Variants in NDUFA9 observed in about 807,000 individuals in gnomAD.
The protein encoded by NDUFA9 is NADH dehydrogenase [ubiquinone] 1 alpha subcomplex subunit 9, mitochondrial.
A neutral mutation model predicts 45.9 loss-of-function variants in NDUFA9; 23 were observed. The observed-to-expected ratio is 0.50, with a 90% CI of 0.36 to 0.71. The LOEUF is 0.71. Ranked by LOEUF, NDUFA9 falls within the 30% of genes least tolerant of loss-of-function variation. The pLI, the probability that NDUFA9 is intolerant of heterozygous loss-of-function variation, is 0.00. For missense variants in NDUFA9, 466 were observed against 488.2 expected, an observed-to-expected ratio of 0.95 and a Z score of 0.43; for synonymous variants, 176 against 170.5, an observed-to-expected ratio of 1.03 and a Z score of -0.25.
chr12:4,678,704 T>C (rs938377326), intron 8 of NDUFA9, among the ~76,000 whole-genome samples: 1 of 152,112 alleles, frequency 6.6e-6, no homozygotes. Flanking sequence ...AGATGCTCCA[T>C]ATCATTAGTC....
intron 1 of NDUFA9, 60 bp from the exon 2 acceptor site, chr12:4,654,232 T>A: frequency 4.7e-6 from 7 of 1,484,302 alleles, no homozygotes; most frequent in Non-Finnish European, 6.4e-6. Context: ...GCTATTTGTG[T>A]TGACAGTTTT....
At chr12:4,662,952 C>T (rs1320103072) in intron 6 of NDUFA9, among the ~76,000 whole-genome samples, 1 of 152,036 alleles carries the variant, frequency 6.6e-6, no homozygotes, top group Non-Finnish European at 1.5e-5. Context: ...TCCTAAAATC[C>T]CCTGTGTTAT....
At chr12:4,671,711 T>A (rs950307019) in intron 8 of NDUFA9, among the ~76,000 whole-genome samples, 1 of 152,160 alleles carries the variant, frequency 6.6e-6, no homozygotes, top group Non-Finnish European at 1.5e-5. Context: ...GACATAAGAA[T>A]TGACGTATAG....
chr12:4,658,628 A>G (rs978948760), intron 4 of NDUFA9, among the ~76,000 whole-genome samples: 4 of 152,246 alleles, frequency 2.6e-5, no homozygotes, highest in Admixed American at 6.5e-5. Context: ...GGATTCCCTG[A>G]TAATGCAGAA....
intron 4 of NDUFA9, 52 bp downstream of exon 4, chr12:4,657,891 A>G (rs531991203): frequency 3.6e-6 from 5 of 1,392,692 alleles, no homozygotes; most frequent in African/African-American, 2.8e-5. Context: ...TTAGGGTTTA[A>G]TGGACCTTCG....
chr12:4,660,401 A>G (rs996322368), intron 5 of NDUFA9, among the ~76,000 whole-genome samples: 7 of 152,162 alleles, frequency 4.6e-5, no homozygotes, highest in African/African-American at 1.7e-4. Context: ...TGCATTTCAG[A>G]TGTGTGTCAA....
At chr12:4,679,870 T>A (rs547950922) in intron 8 of NDUFA9, among the ~76,000 whole-genome samples, 1 of 152,302 alleles carries the variant, frequency 6.6e-6, no homozygotes, top group African/African-American at 2.4e-5. Context: ...GAAAGAGATG[T>A]CACTTCATGA....
chr12:4,663,814 A>C (rs1945837540), intron 6 of NDUFA9, among the ~76,000 whole-genome samples: 1 of 152,210 alleles, frequency 6.6e-6, no homozygotes, highest in South Asian at 2.1e-4. Flanking sequence ...GGAACTATGT[A>C]AAGGTAGAGG....
intron 9 of NDUFA9, among the ~76,000 whole-genome samples, chr12:4,682,862 T>C (rs550048422): frequency 6.6e-4 from 100 of 152,152 alleles, no homozygotes; most frequent in African/African-American, 2.3e-3. Context: ...AGCCCAGGAG[T>C]TTGAGACCAG....
chr12:4,665,994 C>T (rs1034176960), intron 6 of NDUFA9, among the ~76,000 whole-genome samples: 4 of 152,046 alleles, frequency 2.6e-5, no homozygotes, highest in African/African-American at 9.7e-5. Context: ...TTTGTAGAGA[C>T]AGGTCTTGCT....
At chr12:4,680,192 G>A (rs1393647762) in intron 8 of NDUFA9, among the ~76,000 whole-genome samples, 1 of 152,094 alleles carries the variant, frequency 6.6e-6, no homozygotes, top group Admixed American at 6.6e-5. Context: ...TTTCCTAGGA[G>A]AACATGTGGG....
Position 4,693,653 on chromosome 12 carries a change from G to A in NDUFA9, c.*6545G>A, listed in dbSNP as rs894534345. The stretch of plus-strand genomic sequence containing the variant: ...TGAGATGGTAACTGAAGTTGTAGAA[G>A]TAGATGTTGAGGATGAAGTATCATA... On this transcript the variant is annotated 3_prime_UTR_variant, in exon 11 of 11. Coordinates refer to ENST00000266544, the MANE Select transcript of NDUFA9 (RefSeq NM_005002.5). 11 of 152,232 alleles carry A rather than the reference G, an allele frequency of 7.2e-5. No homozygotes were observed. The highest frequency in any genetic ancestry group is 2.4e-4 in the African/African-American group (10 of 41,458). 9.4% of individuals were successfully genotyped at this position (152,232 alleles called of 1,614,324 possible).
At chr12:4,667,843 GAAAA>G (rs1160188355) in intron 6 of NDUFA9, among the ~76,000 whole-genome samples, 1 of 147,306 alleles carries the variant, frequency 6.8e-6, no homozygotes, top group African/African-American at 2.5e-5. Context: ...AAAAAAAAAA[GAAAA>G]ACAAACAAAC....
At chr12:4,649,602 A>T (rs759439463) in intron 1 of NDUFA9, among the ~76,000 whole-genome samples, 2 of 152,192 alleles carry the variant, frequency 1.3e-5, no homozygotes, top group African/African-American at 4.8e-5. Context: ...ATGGGTCTCA[A>T]TTCATATGAG....
chr12:4,668,530 T>G lies in NDUFA9; in HGVS notation c.723+6T>G. 1.2e-6 allele frequency: 2 copies of G among 1,606,798 alleles called. No homozygotes were observed. The highest frequency in any genetic ancestry group is 1.7e-6 in the Non-Finnish European group (2 of 1,173,372). ...CAGTTAAACAACCAGTATATGTAAG[T>G]ACTTGGATGAAGGGGGTCAGAAAGG... On this transcript the variant is annotated splice_donor_region_variant and intron_variant, in intron 7 of 10. Coordinates refer to ENST00000266544, the MANE Select transcript of NDUFA9 (RefSeq NM_005002.5).
intron 9 of NDUFA9, among the ~76,000 whole-genome samples, chr12:4,684,425 A>G (rs1254549339): frequency 6.6e-6 from 1 of 152,170 alleles, no homozygotes; most frequent in Non-Finnish European, 1.5e-5. Context: ...TTGGCCCCCC[A>G]GGACTCTGTG....
chr12:4,683,318 C>G (rs1160447188), intron 9 of NDUFA9, among the ~76,000 whole-genome samples: 3 of 152,126 alleles, frequency 2.0e-5, no homozygotes, highest in Non-Finnish European at 4.4e-5. Flanking sequence ...CATGTCACAC[C>G]CTAGTGGTCT....
At chr12:4,670,888 A>T (rs1824450850) in intron 8 of NDUFA9, among the ~76,000 whole-genome samples, 1 of 152,238 alleles carries the variant, frequency 6.6e-6, no homozygotes, top group African/African-American at 2.4e-5. Flanking sequence ...AAATGAGCGG[A>T]AATGGCTTTG....
At chr12:4,668,375 A>G in intron 6 of NDUFA9, 82 bp from the exon 7 acceptor site, 3 of 1,140,762 alleles carry the variant, frequency 2.6e-6, no homozygotes, top group South Asian at 2.6e-5. Flanking sequence ...ATTATGCACA[A>G]TAATTATGTT....
Sources: allele counts gnomAD v4.1 joint callset (sites outside exome capture counted in the v4.1 genomes callset), GRCh38; gene constraint gnomAD v4.1.1; transcripts MANE v1.5; gene names NCBI Gene and HGNC (gene_info 2026-07-23, HGNC 2026-07-21).